Variants in SECISBP2L observed in about 807,000 individuals in gnomAD.
The protein encoded by SECISBP2L is selenocysteine insertion sequence-binding protein 2-like.
A neutral mutation model predicts 114.7 loss-of-function variants in SECISBP2L; 43 were observed. That is an observed-to-expected ratio of 0.38 (90% CI 0.29 to 0.48). The LOEUF (loss-of-function observed/expected upper bound fraction) is 0.48. SECISBP2L is among the 20% of genes least tolerant of loss of function. The probability of loss-of-function intolerance (pLI) is 0.98; values close to 1 mark genes in which losing one functional copy is unlikely to be tolerated. For missense variants in SECISBP2L, 1,136 were observed against 1,301.1 expected, an observed-to-expected ratio of 0.87 and a Z score of 1.95; for synonymous variants, 451 against 439.7, an observed-to-expected ratio of 1.03 and a Z score of -0.32.
intron 14 of SECISBP2L, among the ~76,000 whole-genome samples, chr15:49,004,258 T>C (rs926076593): frequency 2.0e-5 from 3 of 152,204 alleles, no homozygotes; most frequent in African/African-American, 7.2e-5. Flanking sequence ...TGATGGCAGT[T>C]TGTATTTCTG....
At position 48,996,505 on chromosome 15, in the gene SECISBP2L, G is replaced by T. The variant is rs140688043; in HGVS notation, c.2485C>A (p.Gln829Lys). The change falls in exon 17 of 18, where the codon CAG becomes AAG. Residue 829 changes from glutamine (Q) to lysine (K), a missense_variant. Physicochemically the swap from Gln to Lys is moderately conservative, Grantham distance 53. Around this residue, in one of 2 missense-constraint regions of SECISBP2L, gnomAD observed 684 missense variants for 848.7 expected, o/e 0.81. Coordinates refer to ENST00000559471, the MANE Select transcript of SECISBP2L (RefSeq NM_001193489.2). The stretch of plus-strand genomic sequence containing the variant: ...ACATTCTTTAAGGCTTCCTCAGCCT[G>T]CTCCTGTTCCATTGCTGCAACCATA... Reference protein sequence around the residue: ...KDMVAAMEQEQAEEALKNVKK... With the variant: ...KDMVAAMEQEKAEEALKNVKK... 9.9e-4 allele frequency: 1,592 copies of T among 1,614,112 alleles called. 2 individuals carry two copies. The highest frequency in any genetic ancestry group is 1.3e-3 in the Non-Finnish European group (1,506 of 1,179,998).
chr15:48,989,246 T>C lies in SECISBP2L; in HGVS notation c.*2998A>G, dbSNP rs905058714. The stretch of plus-strand genomic sequence containing the variant: ...CATGTTAAAGAGTTGAAAATGAGTG[T>C]AGCATTCACTACTCATTTGCACATT... On this transcript the variant is annotated 3_prime_UTR_variant, in exon 18 of 18. Transcript: ENST00000559471. 1.3e-5 allele frequency: 2 copies of C among 152,512 alleles called. No individual in the cohort carries two copies. The highest frequency in any genetic ancestry group is 2.9e-5 in the Non-Finnish European group (2 of 68,012). The allele number at this position is 152,512 out of a possible 1,614,324, so 9.4% of individuals were successfully genotyped here. A position where few individuals can be genotyped will look rare whatever the true frequency, so the allele number is the denominator to read the frequency against.
At chr15:49,015,904 A>G (rs1902526053) in intron 11 of SECISBP2L, among the ~76,000 whole-genome samples, 1 of 152,242 alleles carries the variant, frequency 6.6e-6, no homozygotes, top group African/African-American at 2.4e-5. Flanking sequence ...TGAGGGAAGC[A>G]AACTATGCTG....
intron 11 of SECISBP2L, among the ~76,000 whole-genome samples, chr15:49,015,144 G>A (rs932847302): frequency 1.3e-5 from 2 of 152,104 alleles, no homozygotes; most frequent in African/African-American, 4.8e-5. Context: ...GCACAGGAAG[G>A]TTAAGTAACT....
rs935378042 is a variant in SECISBP2L, at chr15:49,046,395, C to T, written c.-96G>A. On this transcript the variant is annotated 5_prime_UTR_variant, in exon 1 of 18. Coordinates refer to ENST00000559471, the MANE Select transcript of SECISBP2L (RefSeq NM_001193489.2). ...CCCCGCTCGGGTCCAGACTGGGTTC[C>T]GGACCTCCGCCCCTATCTGGCTGGC... 6 of 1,285,362 alleles carry T rather than the reference C, an allele frequency of 4.7e-6. No homozygotes were observed. The highest frequency in any genetic ancestry group is 6.1e-6 in the Non-Finnish European group (6 of 980,070). 79.6% of individuals were successfully genotyped at this position (1,285,362 alleles called of 1,614,324 possible).
chr15:49,016,788 T>C (rs1902545669), intron 10 of SECISBP2L, 60 bp downstream of exon 10: 10 of 1,568,900 alleles, frequency 6.4e-6, no homozygotes, highest in Non-Finnish European at 8.6e-6. Context: ...ACTCCTTCTA[T>C]CTATTCCATC....
At chr15:49,019,643 CA>C (rs1409591395) in intron 7 of SECISBP2L, 91 bp from the exon 8 acceptor site, 7 of 1,047,216 alleles carry the variant, frequency 6.7e-6, no homozygotes, top group Non-Finnish European at 8.7e-6. Flanking sequence ...AAAGTACACG[CA>C]AGTGTACAAC....
intron 14 of SECISBP2L, chr15:49,001,562 C>A (rs927952665): frequency 6.5e-6 from 1 of 154,636 alleles, no homozygotes; most frequent in Non-Finnish European, 1.4e-5. Context: ...TTTGCTGCAC[C>A]CATCAACCCG....
intron 16 of SECISBP2L, 64 bp from the exon 17 acceptor site, chr15:48,996,650 T>C (rs960307179): frequency 2.2e-5 from 30 of 1,390,156 alleles, no homozygotes; most frequent in Non-Finnish European, 2.6e-5. Context: ...CTATTATGGA[T>C]AATAAATATC....
chr15:49,034,310 T>G (rs1902959462), intron 3 of SECISBP2L, among the ~76,000 whole-genome samples: 1 of 152,202 alleles, frequency 6.6e-6, no homozygotes, highest in Non-Finnish European at 1.5e-5. Context: ...ACATTCTTTC[T>G]TCCCATTAGC....
chr15:48,994,841 G>GAAAAA (rs1566850627), intron 17 of SECISBP2L, among the ~76,000 whole-genome samples: 2 of 108,826 alleles, frequency 1.8e-5, no homozygotes, highest in Non-Finnish European at 2.0e-5. Context: ...TAAGTGCTGG[G>GAAAAA]GAAAAAAAAA....
chr15:49,029,360 G>A lies in SECISBP2L; in HGVS notation c.665-678C>T, dbSNP rs369499282. Among the ~76,000 whole-genome samples, 34 of 152,032 alleles carry A rather than the reference G, an allele frequency of 2.2e-4. 1 individual carries two copies. The highest frequency in any genetic ancestry group is 7.0e-4 in the African/African-American group (29 of 41,450). ...ATATCATTCCCTCACTTTTCTTTAC[G>A]CATTTGCCATGGATTTCTGTATTTC... On this transcript the variant is annotated intron_variant, in intron 4 of 17. Transcript: ENST00000559471.
chr15:49,042,179 T>C (rs1206870475), intron 1 of SECISBP2L, among the ~76,000 whole-genome samples: 2 of 152,254 alleles, frequency 1.3e-5, no homozygotes, highest in East Asian at 3.8e-4. Context: ...TTTTCTCTTT[T>C]GATTTGATGG....
chr15:49,043,453 A>G (rs1399860868), intron 1 of SECISBP2L, among the ~76,000 whole-genome samples: 1 of 152,150 alleles, frequency 6.6e-6, no homozygotes, highest in East Asian at 1.9e-4. Context: ...ATTATTTGTG[A>G]TAACAGAAAA....
At chr15:48,996,161 G>A (rs1902080797) in intron 17 of SECISBP2L, 2 of 541,432 alleles carry the variant, frequency 3.7e-6, no homozygotes, top group South Asian at 2.3e-5. Flanking sequence ...ATTTGGAACT[G>A]TGATTAAATT....
At chr15:49,034,607 C>T (rs1902965468) in intron 3 of SECISBP2L, among the ~76,000 whole-genome samples, 1 of 151,136 alleles carries the variant, frequency 6.6e-6, no homozygotes, top group African/African-American at 2.4e-5. Flanking sequence ...ATCTAATGAA[C>T]CACAAATGTT....
chr15:49,012,899 G>A, intron 11 of SECISBP2L, 82 bp from the exon 12 acceptor site: 1 of 1,375,084 alleles, frequency 7.3e-7, no homozygotes, highest in Non-Finnish European at 1.0e-6. Context: ...ACAAAAACAA[G>A]AACATCCTCC....
chr15:49,001,134 AT>A (rs763207540), intron 14 of SECISBP2L, 37 bp from the exon 15 acceptor site: 24 of 1,406,730 alleles, frequency 1.7e-5, no homozygotes, highest in East Asian at 7.0e-5. Context: ...CTCCATCCTA[AT>A]TTTTTTCCCT....
At chr15:49,045,530 ACT>A (rs1193530975) in intron 1 of SECISBP2L, among the ~76,000 whole-genome samples, 4 of 152,132 alleles carry the variant, frequency 2.6e-5, no homozygotes, top group Non-Finnish European at 5.9e-5. Context: ...TACTTTTAAC[ACT>A]GTTATCATCC....
Sources: gnomAD v4.1 joint callset for allele counts (sites outside exome capture counted in the v4.1 genomes callset) on GRCh38, gnomAD v4.1.1 for gene constraint, gnomAD v4.1.1 regional missense constraint, MANE v1.5 for transcripts, NCBI Gene and HGNC (gene_info 2026-07-23, HGNC 2026-07-21) for gene names.